The following ZNF232 variants were observed in gnomAD, a reference collection of about 807,000 sequenced individuals.
ZNF232 encodes zinc finger protein 232, also known as zinc finger and SCAN domain-containing protein 11.
In ZNF232, 25 loss-of-function variants were observed where a neutral mutation model predicts 25.2. The ratio of observed to expected loss-of-function variants is 0.99; its 90% CI spans 0.72 to 1.39. ZNF232 has a LOEUF of 1.39. Ranked by LOEUF, ZNF232 falls within the 40% of genes most tolerant of loss-of-function variation. ZNF232 has a pLI of 0.00. For synonymous variants in ZNF232, 193 were observed against 182.9 expected (o/e 1.06, Z -0.45); for missense variants, 519 against 520.9 (o/e 1.00, Z 0.04).
exon 2 of ZNF232, chr17:5,109,555 G>A: frequency 6.2e-7 from 1 of 1,614,196 alleles, no homozygotes; most frequent in Non-Finnish European, 8.5e-7. Flanking sequence ...TCCTTCGTGT[G>A]TTTCTCTGGC....
intron 3 of ZNF232, among the ~76,000 whole-genome samples, chr17:5,107,613 A>G (rs2072293695): frequency 6.8e-6 from 1 of 147,648 alleles, no homozygotes; most frequent in Admixed American, 6.9e-5. Context: ...ATCTTGGCTC[A>G]CTGCAACCTC....
At chr17:5,110,392 G>A (rs2072373534) in intron 1 of ZNF232, among the ~76,000 whole-genome samples, 1 of 152,122 alleles carries the variant, frequency 6.6e-6, no homozygotes, top group Admixed American at 6.5e-5. Context: ...CTAATTAAAT[G>A]CCATTGACAG....
chr17:5,118,068 CAA>C (rs57176092), intron 1 of ZNF232: 11 of 109,046 alleles, frequency 1.0e-4, no homozygotes, highest in Admixed American at 9.7e-5. Flanking sequence ...GACTCCGTCT[CAA>C]AAAAAAAAAA....
intron 1 of ZNF232, among the ~76,000 whole-genome samples, chr17:5,122,620 T>C (rs1467322317): frequency 4.6e-5 from 7 of 151,152 alleles, no homozygotes; most frequent in Non-Finnish European, 5.9e-5. Context: ...TGCGGGGCCC[T>C]CCCGGAACGG....
At chr17:5,112,744 ATTT>A (rs1244638631), upstream of ZNF232, among the ~76,000 whole-genome samples, 1 of 150,534 alleles carries the variant, frequency 6.6e-6, no homozygotes, top group Non-Finnish European at 1.5e-5. Flanking sequence ...CCGGCCGATT[ATTT>A]TTTATTTTTT....
upstream of ZNF232, chr17:5,114,253 A>G (rs1296001299): frequency 6.6e-6 from 1 of 152,216 alleles, no homozygotes; most frequent in Non-Finnish European, 1.5e-5. Context: ...CTTTATCTCC[A>G]ATATGAATTT....
exon 2 of ZNF232, chr17:5,109,590 C>T (rs775647057): frequency 9.9e-6 from 16 of 1,614,104 alleles, no homozygotes; most frequent in Middle Eastern, 1.6e-4. Context: ...GCAGAGTACT[C>T]GTAGTTGGCT....
chr17:5,115,886 G>A (rs1291759235), upstream of ZNF232, among the ~76,000 whole-genome samples: 1 of 152,174 alleles, frequency 6.6e-6, no homozygotes, highest in Non-Finnish European at 1.5e-5. Context: ...GGCGGTCCTC[G>A]AGGCGCCGGG....
intron 1 of ZNF232, among the ~76,000 whole-genome samples, chr17:5,121,944 T>C (rs944090210): frequency 3.9e-5 from 6 of 152,088 alleles, no homozygotes; most frequent in South Asian, 4.1e-4. Context: ...AGCGTCTGGA[T>C]TAGATCACGT....
chr17:5,119,604 C>T (rs2072606892), intron 1 of ZNF232, among the ~76,000 whole-genome samples: 1 of 152,106 alleles, frequency 6.6e-6, no homozygotes, highest in Non-Finnish European at 1.5e-5. Flanking sequence ...CTGGGTGAGG[C>T]CTGGAGGAGC....
At chr17:5,117,283 C>T (rs1203208640) in intron 1 of ZNF232, among the ~76,000 whole-genome samples, 1 of 152,066 alleles carries the variant, frequency 6.6e-6, no homozygotes, top group Non-Finnish European at 1.5e-5. Flanking sequence ...TTTGGGAGGC[C>T]GAGGCGGGTG....
intron 3 of ZNF232, among the ~76,000 whole-genome samples, chr17:5,107,397 A>G (rs1332077104): frequency 6.8e-5 from 10 of 146,914 alleles, no homozygotes; most frequent in African/African-American, 2.0e-4. Flanking sequence ...CAAAAAGGAA[A>G]AAAAAAAAAA....
At chr17:5,107,940 A>G (rs895950666) in intron 3 of ZNF232, among the ~76,000 whole-genome samples, 6 of 152,204 alleles carry the variant, frequency 3.9e-5, no homozygotes, top group African/African-American at 7.2e-5. Context: ...CACAATAGCT[A>G]GCTTCTTTTT....
intron 2 of ZNF232, 81 bp from the exon 3 acceptor site, chr17:5,109,133 A>G: frequency 1.3e-6 from 2 of 1,591,552 alleles, no homozygotes; most frequent in Non-Finnish European, 1.7e-6. Flanking sequence ...GGACACTTGC[A>G]GATGTGACCC....
At chr17:5,122,168 G>T (rs985809717) in intron 1 of ZNF232, among the ~76,000 whole-genome samples, 1 of 151,950 alleles carries the variant, frequency 6.6e-6, no homozygotes, top group African/African-American at 2.4e-5. Flanking sequence ...GAAGGAAGGT[G>T]GTGCACGCAG....
chr17:5,122,086 CAG>C (rs772386500), intron 1 of ZNF232, among the ~76,000 whole-genome samples: 3 of 141,912 alleles, frequency 2.1e-5, no homozygotes, highest in Admixed American at 7.5e-5. Flanking sequence ...AGAGATGTGT[CAG>C]GGGGCTGGAG....
chr17:5,111,868 G>A (rs1330140608), upstream of ZNF232: 8 of 1,612,160 alleles, frequency 5.0e-6, no homozygotes, highest in Admixed American at 1.7e-5. Flanking sequence ...TCACCCCAGG[G>A]GCAGGTTTGC....
chr17:5,109,640 A>C (rs200108859), exon 2 of ZNF232: 256 of 1,614,062 alleles, frequency 1.6e-4, no homozygotes, highest in Non-Finnish European at 2.0e-4. Flanking sequence ...GGTAGCGGAG[A>C]TGCCTGAAGC....
intron 3 of ZNF232, among the ~76,000 whole-genome samples, chr17:5,108,285 GCT>G (rs1251465873): frequency 1.3e-5 from 2 of 152,184 alleles, no homozygotes; most frequent in Admixed American, 6.5e-5. Context: ...CGCCCCTGAG[GCT>G]CTAAGTCTAG....
Sources: gnomAD v4.1 joint callset for allele counts (sites outside exome capture counted in the v4.1 genomes callset) on GRCh38, gnomAD v4.1.1 for gene constraint, MANE v1.5 for transcripts, NCBI Gene and HGNC (gene_info 2026-07-23, HGNC 2026-07-21) for gene names.